CACNG7: variants seen among roughly 807,000 people sequenced by gnomAD.
CACNG7 encodes the protein calcium voltage-gated channel auxiliary subunit gamma 7.
In CACNG7, 9 loss-of-function variants were observed where a neutral mutation model predicts 26.3. The observed-to-expected ratio is 0.34, with a 90% CI of 0.21 to 0.60. The LOEUF (loss-of-function observed/expected upper bound fraction) is 0.60, where lower values mean the gene tolerates loss of function less well. Among genes scored for constraint, CACNG7 ranks in the 20% least tolerant of loss-of-function variants. The pLI is 0.81. For missense variants in CACNG7, 297 were observed against 380.4 expected, an observed-to-expected ratio of 0.78 and a Z score of 1.82; for synonymous variants, 170 against 157.0, an observed-to-expected ratio of 1.08 and a Z score of -0.62.
intron 4 of CACNG7, among the ~76,000 whole-genome samples, chr19:53,923,539 G>C (rs1270431100): frequency 7.6e-6 from 1 of 132,426 alleles, no homozygotes; most frequent in East Asian, 2.5e-4. Context: ...TCTGGTCATT[G>C]GTGGAGTTGT....
chr19:53,921,850 T>C (rs867257221), intron 4 of CACNG7, among the ~76,000 whole-genome samples: 66 of 59,134 alleles, frequency 1.1e-3, no homozygotes, highest in Middle Eastern at 0.012. Flanking sequence ...GGTGGAGTTG[T>C]CCCAGGCTGG....
intron 4 of CACNG7, among the ~76,000 whole-genome samples, chr19:53,929,122 C>CAAAAA (rs1297562260): frequency 4.0e-5 from 2 of 50,468 alleles, no homozygotes; most frequent in African/African-American, 1.2e-4. Context: ...AAAAAAAAAA[C>CAAAAA]AAAAAAAAAA....
chr19:53,910,402 G>C (rs1259963573), intron 1 of CACNG7, among the ~76,000 whole-genome samples: 2 of 152,116 alleles, frequency 1.3e-5, no homozygotes, highest in African/African-American at 2.4e-5. Flanking sequence ...GGGAGTGCGG[G>C]GTGGAGCGGG....
At position 53,922,991 on chromosome 19, in the gene CACNG7, A is replaced by ACTGGTCATTGGTGCAGTTGTCCCAGGC. The variant is rs2068976586; in HGVS notation, c.424+7505_424+7506insTCCCAGGCCTGGTCATTGGTGCAGTTG. The stretch of plus-strand genomic sequence containing the variant: ...TGGTCATTGGTGGAGTTGTCCCAGG[A>ACTGGTCATTGGTGCAGTTGTCCCAGGC]CTGGTCATTGGTGCAGTTGCCCCAG... On this transcript the variant is annotated intron_variant, in intron 4 of 5. Transcript: ENST00000391767. Among the ~76,000 whole-genome samples the ACTGGTCATTGGTGCAGTTGTCCCAGGC allele has an allele frequency of 5.5e-5, 2 of 36,610 alleles. 1 individual carries two copies. The highest frequency in any genetic ancestry group is 9.1e-5 in the Non-Finnish European group (2 of 21,914). The allele number at this position is 36,610 out of a possible 152,430, so 24.0% of individuals were successfully genotyped here.
Position 53,942,580 on chromosome 19 carries a change from AAAATTAGCTCCTCCCTCGT to A in CACNG7, c.*288_*306del. On this transcript the variant is annotated 3_prime_UTR_variant, in exon 6 of 6. Coordinates refer to ENST00000391767, the MANE Select transcript of CACNG7 (RefSeq NM_031896.5). This position sits in a 1 kb window ranked among gnomAD's most constrained non-coding sequence, Gnocchi z 5.9. Reference sequence around the variant, plus strand: ...TTTCCTCTGGCCCCTCCTCTCCAAGAAAATTAGCTCCTCCCTCGTTCTCCACCTGCTCTGAGCTGGGAGC... The same window carrying A: ...TTTCCTCTGGCCCCTCCTCTCCAAGATCTCCACCTGCTCTGAGCTGGGAGC... The A allele has an allele frequency of 1.7e-5, 23 of 1,316,460 alleles. No individual in the cohort carries two copies. The highest frequency in any genetic ancestry group is 1.1e-4 in the South Asian group (5 of 46,128). 81.5% of individuals were successfully genotyped at this position (1,316,460 alleles called of 1,614,324 possible). A position where few individuals can be genotyped will look rare whatever the true frequency, so the allele number is the denominator to read the frequency against.
At chr19:53,927,514 G>T (rs950361631) in intron 4 of CACNG7, among the ~76,000 whole-genome samples, 12 of 152,062 alleles carry the variant, frequency 7.9e-5, no homozygotes, top group African/African-American at 2.9e-4. Flanking sequence ...TTGGAGATGG[G>T]ATTCACAGCA....
chr19:53,929,263 TGAGAGAGAGAGAGGGA>T (rs1423378481), intron 4 of CACNG7, among the ~76,000 whole-genome samples: 1 of 150,396 alleles, frequency 6.6e-6, no homozygotes, highest in African/African-American at 2.4e-5. Context: ...CCCTGATGGA[TGAGAGAGAGAGAGGGA>T]GAGAGAGAGA....
At chr19:53,915,013 A>AT (rs1172354586) in intron 3 of CACNG7, among the ~76,000 whole-genome samples, 20 of 148,876 alleles carry the variant, frequency 1.3e-4, no homozygotes, top group African/African-American at 4.9e-4. Flanking sequence ...CTCAAAAAAA[A>AT]AAATAAATAA....
Position 53,922,400 on chromosome 19 carries a change from G to A in CACNG7, c.424+6895G>A, listed in dbSNP as rs539162479. Reference sequence around the variant, plus strand: ...TGGTCATTGGTGGAGTTGTCCCCAGGCCTGGTCATTGGTGGAGTTGTCCCA... The same window carrying A: ...TGGTCATTGGTGGAGTTGTCCCCAGACCTGGTCATTGGTGGAGTTGTCCCA... On this transcript the variant is annotated intron_variant, in intron 4 of 5. Coordinates refer to ENST00000391767, the MANE Select transcript of CACNG7 (RefSeq NM_031896.5). Among the ~76,000 whole-genome samples the A allele has an allele frequency of 2.6e-5, 3 of 114,922 alleles. No homozygotes were observed. The South Asian group carries it at 9.4e-4, about 36-fold the overall frequency. The allele number at this position is 114,922 out of a possible 152,430, so 75.4% of individuals were successfully genotyped here. A position where few individuals can be genotyped will look rare whatever the true frequency, so the allele number is the denominator to read the frequency against.
intron 2 of CACNG7, among the ~76,000 whole-genome samples, chr19:53,913,738 G>A (rs144783406): frequency 4.7e-5 from 7 of 147,964 alleles, no homozygotes; most frequent in South Asian, 2.2e-4. Context: ...GAGCTATGAC[G>A]GTGCTGCTGT....
At chr19:53,918,670 G>C (rs28462357) in intron 4 of CACNG7, among the ~76,000 whole-genome samples, 1 of 152,112 alleles carries the variant, frequency 6.6e-6, no homozygotes, top group African/African-American at 2.4e-5. Flanking sequence ...ATGTAGTAAT[G>C]ATAGTAGTAC....
chr19:53,941,573 G>T lies in CACNG7; in HGVS notation c.528G>T (p.Gly176=). ...SSEQYFHYRY[G]WSFAFAASSF... ...AGCAGTATTTTCATTATCGCTACGG[G>T]TGGTCTTTTGCCTTCGCCGCTTCCT... Residue 176 remains glycine (G), a synonymous_variant, in exon 5 of 6, where the codon GGG becomes GGT. Coordinates refer to ENST00000391767, the MANE Select transcript of CACNG7 (RefSeq NM_031896.5). 2 of 1,612,052 alleles carry T rather than the reference G, an allele frequency of 1.2e-6. No individual in the cohort carries two copies. The highest frequency in any genetic ancestry group is 1.7e-6 in the Non-Finnish European group (2 of 1,179,278).
intron 4 of CACNG7, among the ~76,000 whole-genome samples, chr19:53,927,571 C>A (rs1568779778): frequency 6.6e-6 from 1 of 152,128 alleles, no homozygotes; most frequent in Non-Finnish European, 1.5e-5. Context: ...GCCATGGTGG[C>A]TCACGCCTGT....
Position 53,935,844 on chromosome 19 carries a change from T to C in CACNG7, c.425-5626T>C, listed in dbSNP as rs2069102041. 2.0e-5 allele frequency among the ~76,000 whole-genome samples: 3 copies of C among 151,840 alleles called. No homozygotes were observed. In the South Asian group the frequency reaches 6.3e-4, roughly 32 times the overall value. On this transcript the variant is annotated intron_variant, in intron 4 of 5. Coordinates refer to ENST00000391767, the MANE Select transcript of CACNG7 (RefSeq NM_031896.5). ...TTAGTAGAGACAGGATTTCTCCATG[T>C]TGGCCAGGCTGATCTCGAACTCCTG... is the stretch of plus-strand genomic sequence containing the variant.
At chr19:53,921,658 C>G (rs500257) in intron 4 of CACNG7, among the ~76,000 whole-genome samples, 87 of 48,320 alleles carry the variant, frequency 1.8e-3, no homozygotes, top group Middle Eastern at 0.022. Flanking sequence ...CATTGGTGGA[C>G]TTGCCCCAGG....
intron 4 of CACNG7, among the ~76,000 whole-genome samples, chr19:53,917,920 C>G (rs180874614): frequency 6.6e-6 from 1 of 152,218 alleles, no homozygotes; most frequent in Non-Finnish European, 1.5e-5. Context: ...GCACCAGGAA[C>G]TGACTGCCCA....
chr19:53,935,932 C>T (rs1035356502), intron 4 of CACNG7, among the ~76,000 whole-genome samples: 2 of 152,032 alleles, frequency 1.3e-5, no homozygotes, highest in African/African-American at 2.4e-5. Context: ...TGAACCACCA[C>T]GCCTGGCCTA....
intron 4 of CACNG7, among the ~76,000 whole-genome samples, chr19:53,921,257 G>GT (rs1568774114): frequency 1.1e-5 from 1 of 94,334 alleles, no homozygotes; most frequent in African/African-American, 4.5e-5. Flanking sequence ...TGGTGGAGTT[G>GT]CCCCAGGTCT....
chr19:53,922,008 T>A (rs747450833), intron 4 of CACNG7, among the ~76,000 whole-genome samples: 3 of 74,400 alleles, frequency 4.0e-5, no homozygotes, highest in African/African-American at 2.7e-4. Flanking sequence ...ATTGGTGGAG[T>A]TGTCCCCAGG....
Sources: allele counts gnomAD v4.1 joint callset (sites outside exome capture counted in the v4.1 genomes callset), GRCh38; gene constraint gnomAD v4.1.1; non-coding constraint Gnocchi (gnomAD v3.1); transcripts MANE v1.5; gene names NCBI Gene and HGNC (gene_info 2026-07-23, HGNC 2026-07-21).